The following MYBPC3 variants were observed in gnomAD, a reference collection of about 807,000 sequenced individuals.
The protein encoded by MYBPC3 is myosin binding protein C3, also known as myosin-binding protein C, cardiac-type.
Under a neutral mutation model 159.3 loss-of-function variants are expected in MYBPC3, and 108 were observed. The ratio of observed to expected loss-of-function variants is 0.68; its 90% CI spans 0.58 to 0.80. MYBPC3 has a LOEUF of 0.80. Among genes scored for constraint, MYBPC3 ranks in the 30% least tolerant of loss-of-function variants. The probability of loss-of-function intolerance (pLI) is 0.00; values close to 1 mark genes in which losing one functional copy is unlikely to be tolerated. For missense variants in MYBPC3, 1,631 were observed against 1,762.1 expected (o/e 0.93, Z 1.33); for synonymous variants, 730 against 702.0 (o/e 1.04, Z -0.63).
At position 47,346,059 on chromosome 11, in the gene MYBPC3, G is replaced by T; in HGVS notation, c.1090+148C>A. On this transcript the variant is annotated intron_variant, in intron 12 of 34. Transcript: ENST00000545968. The surrounding 1 kb of genome is among the most constrained non-coding windows in gnomAD (Gnocchi z 5.3). ...GAGTCTCTGTGCTAAGCCGGACTCCGCTCTTTCCATGTATGTGGACGAGGT... is the reference window on the plus strand; with the variant it reads ...GAGTCTCTGTGCTAAGCCGGACTCCTCTCTTTCCATGTATGTGGACGAGGT... 3 of 1,138,096 alleles carry T rather than the reference G, an allele frequency of 2.6e-6. No homozygotes were observed. Among genetic ancestry groups the T allele is most frequent in the Non-Finnish European group, 2.4e-6 (2 of 826,514 alleles). The allele number at this position is 1,138,096 out of a possible 1,614,324, so 70.5% of individuals were successfully genotyped here.
intron 3 of MYBPC3, 101 bp downstream of exon 3, chr11:47,350,401 T>C (rs2095899448): frequency 7.9e-6 from 12 of 1,509,848 alleles, no homozygotes; most frequent in Non-Finnish European, 1.1e-5. Flanking sequence ...CTGGGGATTA[T>C]AGGCCTGAGC....
In MYBPC3 at chr11:47,337,593, G is replaced by A. The variant is rs2095883798; in HGVS notation, c.2414-14C>T. ...CCAGGATGTAGCCTGGCTCAGGGGA[G>A]GTGGCAGCTCTGGTCTGGAACCCAG... On this transcript the variant is annotated splice_polypyrimidine_tract_variant and intron_variant, in intron 24 of 34. Transcript: ENST00000545968. 6.2e-7 allele frequency: 1 copy of A among 1,613,896 alleles called. No individual in the cohort carries two copies. Among genetic ancestry groups the A allele is most frequent in the South Asian group, 1.1e-5 (1 of 91,078 alleles).
Position 47,342,948 on chromosome 11 carries a change from G to GT in MYBPC3, c.1352-14_1352-13insA. The GT allele has an allele frequency of 6.2e-7, 1 of 1,611,276 alleles. No homozygotes were observed. The highest frequency in any genetic ancestry group is 1.7e-5 in the Admixed American group (1 of 59,670). The stretch of plus-strand genomic sequence containing the variant: ...AGCACAGGGGGCTCTGTCCAGGCAG[G>GT]GTGAGCATGAGGGTTGGCTCCCCTG... On this transcript the variant is annotated splice_polypyrimidine_tract_variant and intron_variant, in intron 15 of 34. Transcript: ENST00000545968.
At position 47,346,381 on chromosome 11, in the gene MYBPC3, C is replaced by A. The variant is rs2095894194; in HGVS notation, c.927-11G>T. The A allele has an allele frequency of 1.3e-6, 2 of 1,561,598 alleles. No homozygotes were observed. The highest frequency in any genetic ancestry group is 1.7e-6 in the Non-Finnish European group (2 of 1,150,768). Reference sequence around the variant, plus strand: ...TCCAGCTTCGAGTCCCTGTGTCCCGCAGTCTAGGCTGTGGCCGGGGGCAAG... The same window carrying A: ...TCCAGCTTCGAGTCCCTGTGTCCCGAAGTCTAGGCTGTGGCCGGGGGCAAG... On this transcript the variant is annotated splice_polypyrimidine_tract_variant and intron_variant, in intron 11 of 34. Coordinates refer to ENST00000545968, the MANE Select transcript of MYBPC3 (RefSeq NM_000256.3). The surrounding 1 kb of genome is among the most constrained non-coding windows in gnomAD (Gnocchi z 5.3).
In MYBPC3 at chr11:47,343,476, C is replaced by T; in HGVS notation, c.1223+16G>A. 1.3e-6 allele frequency: 2 copies of T among 1,569,858 alleles called. No homozygotes were observed. The highest frequency in any genetic ancestry group is 1.9e-5 in the Admixed American group (1 of 53,786). On this transcript the variant is annotated intron_variant, in intron 13 of 34. Coordinates refer to ENST00000545968, the MANE Select transcript of MYBPC3 (RefSeq NM_000256.3). ...CCCACCTCCACCCGAGCCCCCCTCCCCACCCCAGGCTGCACCTGCCGCTCA... is the reference window on the plus strand; with the variant it reads ...CCCACCTCCACCCGAGCCCCCCTCCTCACCCCAGGCTGCACCTGCCGCTCA...
Position 47,347,441 on chromosome 11 carries a change from G to A in MYBPC3, c.890C>T (p.Ser297Leu). 1.3e-6 allele frequency: 2 copies of A among 1,591,724 alleles called. No individual in the cohort carries two copies. The highest frequency in any genetic ancestry group is 1.7e-6 in the Non-Finnish European group (2 of 1,169,450). ...HEDTGILDFS[S>L]LLKKRDSFRT... ...CAGGACTCACCTCTTTTTCAGCAGTGAGCTGAAGTCCAGAATCCCAGTGTC... is the reference window on the plus strand; with the variant it reads ...CAGGACTCACCTCTTTTTCAGCAGTAAGCTGAAGTCCAGAATCCCAGTGTC... Residue 297 changes from serine to leucine, a missense_variant, in exon 9 of 35, where the codon TCA becomes TTA. Ser to Leu is a moderately radical substitution (Grantham distance 145). Coordinates refer to ENST00000545968, the MANE Select transcript of MYBPC3 (RefSeq NM_000256.3).
intron 26 of MYBPC3, chr11:47,335,607 G>A (rs1346517248): frequency 8.3e-6 from 3 of 360,620 alleles, no homozygotes; most frequent in African/African-American, 2.1e-5. Context: ...GATTACAGGC[G>A]TAAGCCATCG....
At chr11:47,333,033 C>G (rs550989677) in intron 30 of MYBPC3, 60 bp from the exon 31 acceptor site, 16 of 1,560,320 alleles carry the variant, frequency 1.0e-5, no homozygotes, top group Non-Finnish European at 1.3e-5. Flanking sequence ...TGCCGAGAGC[C>G]TCTCCTGGGT....
rs1360819456 is a variant in MYBPC3, at chr11:47,332,934, A to G, written c.3370T>C (p.Cys1124Arg). 5.6e-6 allele frequency: 9 copies of G among 1,610,718 alleles called. No individual in the cohort carries two copies. The highest frequency in any genetic ancestry group is 4.5e-5 in the East Asian group (2 of 44,790). Reference protein sequence around the residue: ...TVLEHYRRTHCVVPELIIGNG... With the variant: ...TVLEHYRRTHRVVPELIIGNG... ...CCAATGATGAGCTCTGGCACCACGC[A>G]GTGGGTGCGGCGGTAATGCTCCAAG... Residue 1124 changes from cysteine to arginine, a missense_variant, in exon 31 of 35, where the codon TGC (cysteine) becomes CGC (arginine). Cys to Arg is a radical substitution (Grantham distance 180). Coordinates refer to ENST00000545968, the MANE Select transcript of MYBPC3 (RefSeq NM_000256.3). This position sits in a 1 kb window ranked among gnomAD's most constrained non-coding sequence, Gnocchi z 4.2.
In MYBPC3 at chr11:47,332,026, GC is replaced by G; in HGVS notation, c.3814+45del. ...AGCAAAGCCCAGGGTCCCCACTGCC[GC>G]CCGCTCTTCCCATCTCCCAGGCCCT... On this transcript the variant is annotated intron_variant, in intron 33 of 34. Transcript: ENST00000545968. The surrounding 1 kb of genome is among the most constrained non-coding windows in gnomAD (Gnocchi z 4.2). 6.3e-7 allele frequency: 1 copy of G among 1,599,544 alleles called. No homozygotes were observed. Among genetic ancestry groups the G allele is most frequent in the African/African-American group, 1.3e-5 (1 of 74,776 alleles).
In MYBPC3 at chr11:47,334,022, G is replaced by GT. The variant is rs2142852027; in HGVS notation, c.2906-13_2906-12insA. ...AAGCCGTGGCCGTTCTGTGGGTATA[G>GT]AGTGGGTAGCTAAGTGAGGGCCCGC... On this transcript the variant is annotated splice_polypyrimidine_tract_variant and intron_variant, in intron 27 of 34. Transcript: ENST00000545968. 1 of 1,566,770 alleles carries GT rather than the reference G, an allele frequency of 6.4e-7. No homozygotes were observed. The highest frequency in any genetic ancestry group is 8.7e-7 in the Non-Finnish European group (1 of 1,155,574).
rs766664184 is a variant in MYBPC3, at chr11:47,343,582, C to G, written c.1133G>C (p.Gly378Ala). ...TTCCACGGTCAGCCGGATCTTGTGG[C>G]CTTTGCTCACCTGGTAGGCCGGCTC... Reference protein sequence around the residue: ...KLEPAYQVSKGHKIRLTVELA... With the variant: ...KLEPAYQVSKAHKIRLTVELA... Residue 378 changes from glycine to alanine, a missense_variant, in exon 13 of 35, where the codon GGC becomes GCC. Transcript: ENST00000545968. 6.2e-7 allele frequency: 1 copy of G among 1,612,916 alleles called. No homozygotes were observed. Among genetic ancestry groups the G allele is most frequent in the Admixed American group, 1.7e-5 (1 of 59,904 alleles).
intron 17 of MYBPC3, 110 bp downstream of exon 17, chr11:47,342,468 G>T: frequency 1.5e-6 from 2 of 1,338,258 alleles, no homozygotes; most frequent in Non-Finnish European, 2.0e-6. Context: ...AAGGCCCAAG[G>T]TCACAGAGGC....
Position 47,335,976 on chromosome 11 carries a change from C to G in MYBPC3, c.2638G>C (p.Asp880His). The change falls in exon 26 of 35, where the codon GAC becomes CAC. Residue 880 changes from aspartate to histidine, a missense_variant. Coordinates refer to ENST00000545968, the MANE Select transcript of MYBPC3 (RefSeq NM_000256.3). ...PSEPTHLAVE[D>H]VSDTTVSLKW... is the part of the protein sequence containing the mutation. ...AGGGAGACCGTGGTGTCAGAGACGTCCTCTACTGCCAGGTGGGTGGGTTCG... is the reference window on the plus strand; with the variant it reads ...AGGGAGACCGTGGTGTCAGAGACGTGCTCTACTGCCAGGTGGGTGGGTTCG... The G allele has an allele frequency of 1.3e-6, 2 of 1,550,274 alleles. No homozygotes were observed. The highest frequency in any genetic ancestry group is 8.7e-7 in the Non-Finnish European group (1 of 1,148,566).
At chr11:47,339,057 G>T (rs1417307262) in intron 22 of MYBPC3, among the ~76,000 whole-genome samples, 4 of 152,150 alleles carry the variant, frequency 2.6e-5, no homozygotes, top group Admixed American at 6.5e-5. Flanking sequence ...GTCAAGGTCA[G>T]CTTAGGATGA....
At position 47,350,542 on chromosome 11, in the gene MYBPC3, G is replaced by A. The variant is rs1172499735; in HGVS notation, c.366C>T (p.Ala122=). 6.4e-7 allele frequency: 1 copy of A among 1,554,212 alleles called. No individual in the cohort carries two copies. Among genetic ancestry groups the A allele is most frequent in the African/African-American group, 1.4e-5 (1 of 72,098 alleles). ...EATGAPGEAP[A]PAAELGESAP... Reference sequence around the variant, plus strand: ...CACTTTCTCCCAGCTCAGCGGCTGGGGCCGGGGCTTCTCCAGGGGCTCCAG... The same window carrying A: ...CACTTTCTCCCAGCTCAGCGGCTGGAGCCGGGGCTTCTCCAGGGGCTCCAG... Residue 122 remains alanine, a synonymous_variant, in exon 3 of 35, where the codon GCC becomes GCT. Transcript: ENST00000545968.
At position 47,347,857 on chromosome 11, in the gene MYBPC3, G is replaced by C; in HGVS notation, c.821C>G (p.Thr274Arg). The C allele has an allele frequency of 1.9e-6, 3 of 1,565,482 alleles. No individual in the cohort carries two copies. The highest frequency in any genetic ancestry group is 2.6e-6 in the Non-Finnish European group (3 of 1,155,538). The change falls in exon 7 of 35, where the codon ACG becomes AGG. Residue 274 changes from threonine to arginine, a missense_variant and splice_region_variant. Thr to Arg is a moderately conservative substitution (Grantham distance 71). Transcript: ENST00000545968. ...CCAGGCCCTGAGGATGGCCACTCAC[G>C]TGCGGCGGAAGGCTGATAGGAGGTC... The part of the protein sequence containing the change: ...DLDLLSAFRR[T>R]SLAGGGRRIS...
At chr11:47,344,430 G>A (rs1013428994) in intron 12 of MYBPC3, among the ~76,000 whole-genome samples, 2 of 152,338 alleles carry the variant, frequency 1.3e-5, no homozygotes, top group Non-Finnish European at 2.9e-5. Context: ...CACCAGCCCA[G>A]CAGGTGTGTG....
In MYBPC3 at chr11:47,333,638, G is replaced by A. The variant is rs758421775; in HGVS notation, c.3109C>T (p.Arg1037Cys). 9.9e-6 allele frequency: 16 copies of A among 1,608,210 alleles called. No homozygotes were observed. Among genetic ancestry groups the A allele is most frequent in the Middle Eastern group, 1.6e-4 (1 of 6,082 alleles). ...ACCTGGTAAGTGCCTGAATGCACGCGGCGAGCGGCCCGGATGAACAGGATG... is the reference window on the plus strand; with the variant it reads ...ACCTGGTAAGTGCCTGAATGCACGCAGCGAGCGGCCCGGATGAACAGGATG... ...DTILFIRAARRVHSGTYQVTV... is the reference protein window; with the variant it reads ...DTILFIRAARCVHSGTYQVTV... Residue 1037 changes from arginine (R) to cysteine (C), a missense_variant, in exon 29 of 35, where the codon CGC becomes TGC. Coordinates refer to ENST00000545968, the MANE Select transcript of MYBPC3 (RefSeq NM_000256.3).
Sources: gnomAD v4.1 joint callset for allele counts (sites outside exome capture counted in the v4.1 genomes callset) on GRCh38, gnomAD v4.1.1 for gene constraint, Gnocchi (gnomAD v3.1) non-coding constraint, MANE v1.5 for transcripts, NCBI Gene and HGNC (gene_info 2026-07-23, HGNC 2026-07-21) for gene names.